Variants in SMYD1 observed in about 807,000 individuals in gnomAD.
SMYD1 encodes histone-lysine N-methyltransferase SMYD1.
A neutral mutation model predicts 54.0 loss-of-function variants in SMYD1; 49 were observed. That is an observed-to-expected ratio of 0.91 (90% CI 0.72 to 1.15). The LOEUF is 1.15. SMYD1 is among the 50% of genes most tolerant of loss of function. The pLI is 0.00. For missense variants in SMYD1, 653 were observed against 639.6 expected (o/e 1.02, Z -0.23); for synonymous variants, 269 against 234.2 (o/e 1.15, Z -1.36).
At chr2:88,103,610 CTTTGAAAAAT>C (rs1674778065) in intron 7 of SMYD1, among the ~76,000 whole-genome samples, 1 of 152,138 alleles carries the variant, frequency 6.6e-6, no homozygotes, top group African/African-American at 2.4e-5. Flanking sequence ...CTAGAATCAC[CTTTGAAAAAT>C]TTTGATGCTC....
At chr2:88,102,120 C>A (rs1167316565) in intron 6 of SMYD1, among the ~76,000 whole-genome samples, 1 of 150,984 alleles carries the variant, frequency 6.6e-6, no homozygotes, top group Non-Finnish European at 1.5e-5. Flanking sequence ...TTGCATATGT[C>A]AATTTTACAG....
rs1239146706 is a variant in SMYD1 at position 88,108,429 on chromosome 2, A to G, written c.1204A>G (p.Thr402Ala). ...LGMAVMRAGL[T>A]NWHAGNIEVG... ...CATGGCCGTGATGCGGGCAGGGCTG[A>G]CCAACTGGCATGCTGGTAACATTGA... Residue 402 changes from threonine to alanine, a missense_variant, in exon 9 of 10, where the codon ACC becomes GCC. Coordinates refer to ENST00000419482, the MANE Select transcript of SMYD1 (RefSeq NM_198274.4). 1.1e-5 allele frequency: 18 copies of G among 1,613,062 alleles called. 1 individual carries two copies. In the South Asian group the frequency reaches 2.0e-4, roughly 18 times the overall value.
chr2:88,071,587 A>T (rs1416013931), intron 1 of SMYD1, among the ~76,000 whole-genome samples: 1 of 152,174 alleles, frequency 6.6e-6, no homozygotes, highest in Non-Finnish European at 1.5e-5. Context: ...CCTGAACTCC[A>T]ACTTGGCCTC....
chr2:88,085,067 A>G (rs1674291783), intron 2 of SMYD1, among the ~76,000 whole-genome samples: 1 of 152,150 alleles, frequency 6.6e-6, no homozygotes, highest in African/African-American at 2.4e-5. Context: ...AAGTATTTTT[A>G]AATTGATCCA....
At chr2:88,076,339 C>G (rs1200095504) in intron 1 of SMYD1, among the ~76,000 whole-genome samples, 3 of 152,178 alleles carry the variant, frequency 2.0e-5, no homozygotes, top group Non-Finnish European at 2.9e-5. Flanking sequence ...CTCAGCTTCC[C>G]GAGTAGCTGG....
At chr2:88,076,362 C>T (rs1674063385) in intron 1 of SMYD1, among the ~76,000 whole-genome samples, 1 of 152,236 alleles carries the variant, frequency 6.6e-6, no homozygotes, top group East Asian at 1.9e-4. Context: ...CTACAGGCGC[C>T]CGCCACCACG....
rs1056522623 is a variant in SMYD1 at position 88,084,170 on chromosome 2, C to G, written c.138-146C>G. On this transcript the variant is annotated intron_variant, in intron 1 of 9. Transcript: ENST00000419482. ...TGGGAAGGGCCTTTGGAGGCTCAAACTCCTCATTTTGGAAGGTGGAAATCT... is the reference window on the plus strand; with the variant it reads ...TGGGAAGGGCCTTTGGAGGCTCAAAGTCCTCATTTTGGAAGGTGGAAATCT... 6.5e-6 allele frequency: 4 copies of G among 616,866 alleles called. No homozygotes were observed. In the East Asian group the frequency reaches 1.2e-4, roughly 18 times the overall value. 38.2% of individuals were successfully genotyped at this position (616,866 alleles called of 1,614,324 possible).
intron 6 of SMYD1, among the ~76,000 whole-genome samples, chr2:88,098,503 A>G (rs1674652055): frequency 6.6e-6 from 1 of 152,238 alleles, no homozygotes; most frequent in Non-Finnish European, 1.5e-5. Flanking sequence ...ATTATATTTT[A>G]TATCAAATTG....
chr2:88,078,197 G>A (rs192097139), intron 1 of SMYD1, among the ~76,000 whole-genome samples: 35 of 152,300 alleles, frequency 2.3e-4, no homozygotes, highest in African/African-American at 6.5e-4. Context: ...TGGGTGGCCC[G>A]GGCTGATGTC....
intron 6 of SMYD1, among the ~76,000 whole-genome samples, chr2:88,102,803 G>A (rs1328206799): frequency 1.3e-5 from 2 of 152,210 alleles, no homozygotes; most frequent in East Asian, 3.9e-4. Flanking sequence ...AAAGGGCCAG[G>A]AATTTGCACA....
At chr2:88,077,384 G>A (rs2103981026) in intron 1 of SMYD1, among the ~76,000 whole-genome samples, 1 of 152,354 alleles carries the variant, frequency 6.6e-6, no homozygotes, top group South Asian at 2.1e-4. Flanking sequence ...TCTGTGCTGG[G>A]AGCAGCGTCC....
chr2:88,090,191 A>G (rs1034812933), intron 3 of SMYD1, among the ~76,000 whole-genome samples: 1 of 151,962 alleles, frequency 6.6e-6, no homozygotes, highest in Non-Finnish European at 1.5e-5. Context: ...AGAAAGTGAC[A>G]CTCCTCCATA....
chr2:88,077,792 C>T (rs1264286685), intron 1 of SMYD1, among the ~76,000 whole-genome samples: 2 of 148,466 alleles, frequency 1.3e-5, no homozygotes, highest in African/African-American at 2.5e-5. Context: ...GGCGTGATCT[C>T]GGCTCACTGC....
At position 88,110,357 on chromosome 2, in the gene SMYD1, A is replaced by C; in HGVS notation, c.1318A>C (p.Met440Leu). 1.9e-6 allele frequency: 3 copies of C among 1,611,624 alleles called. No individual in the cohort carries two copies. Among genetic ancestry groups the C allele is most frequent in the Non-Finnish European group, 2.5e-6 (3 of 1,178,794 alleles). ...SHPITKDLEA[M>L]RVQTEMELRM... ...ACGGTGTATCTGTGTCCCACAGGCC[A>C]TGCGGGTGCAGACGGAGATGGAGCT... Residue 440 changes from methionine (M) to leucine (L), a missense_variant, in exon 10 of 10, where the codon ATG (methionine) becomes CTG (leucine). Transcript: ENST00000419482.
Position 88,104,180 on chromosome 2 carries a change from A to C in SMYD1, c.981+1030A>C, listed in dbSNP as rs193182718. Reference sequence around the variant, plus strand: ...AAGGGGTTTCACCATGTTAGCCAGGATGGTCTCGATTTCCCAACATCATGA... The same window carrying C: ...AAGGGGTTTCACCATGTTAGCCAGGCTGGTCTCGATTTCCCAACATCATGA... On this transcript the variant is annotated intron_variant, in intron 7 of 9. Transcript: ENST00000419482. 1.8e-4 allele frequency among the ~76,000 whole-genome samples: 28 copies of C among 152,174 alleles called. No homozygotes were observed. In the East Asian group the frequency reaches 3.5e-3, roughly 19 times the overall value.
intron 5 of SMYD1, among the ~76,000 whole-genome samples, chr2:88,095,245 C>A (rs1448168652): frequency 6.6e-6 from 1 of 152,168 alleles, no homozygotes. Context: ...ACCGCTGCTG[C>A]TGAAAATTGG....
intron 1 of SMYD1, among the ~76,000 whole-genome samples, chr2:88,068,206 A>G (rs1673873338): frequency 2.0e-5 from 3 of 152,066 alleles, no homozygotes; most frequent in African/African-American, 7.2e-5. Flanking sequence ...TGGCTCCTAG[A>G]AGGGTGGTGA....
At chr2:88,068,030 C>G in intron 1 of SMYD1, 29 bp downstream of exon 1, 1 of 1,597,706 alleles carries the variant, frequency 6.3e-7, no homozygotes, top group Non-Finnish European at 8.5e-7. Context: ...TGCCTTCTCT[C>G]CTGTTAGTTT....
intron 6 of SMYD1, among the ~76,000 whole-genome samples, chr2:88,101,967 A>G (rs1674731338): frequency 6.6e-6 from 1 of 152,154 alleles, no homozygotes; most frequent in South Asian, 2.1e-4. Flanking sequence ...TTTCTGTATC[A>G]GTCATTAAGT....
Sources: allele counts gnomAD v4.1 joint callset (sites outside exome capture counted in the v4.1 genomes callset), GRCh38; gene constraint gnomAD v4.1.1; transcripts MANE v1.5; gene names NCBI Gene and HGNC (gene_info 2026-07-23, HGNC 2026-07-21).